AUH: variants seen among roughly 807,000 people sequenced by gnomAD.
AUH encodes methylglutaconyl-CoA hydratase, mitochondrial.
Under a neutral mutation model 42.3 loss-of-function variants are expected in AUH, and 29 were observed. That is an observed-to-expected ratio of 0.69 (90% CI 0.51 to 0.93). The LOEUF is 0.93. Ranked by LOEUF, AUH falls within the 40% of genes least tolerant of loss-of-function variation. The pLI, the probability that AUH is intolerant of heterozygous loss-of-function variation, is 0.00. For synonymous variants in AUH, 174 were observed against 166.4 expected (o/e 1.05, Z -0.35); for missense variants, 452 against 438.1 (o/e 1.03, Z -0.28).
At chr9:91,297,857 C>G (rs1329246212) in intron 5 of AUH, 127 bp downstream of exon 5, 12 of 820,114 alleles carry the variant, frequency 1.5e-5, no homozygotes, top group Non-Finnish European at 2.4e-5. Flanking sequence ...CCATTAGGAC[C>G]AACAAGTGAC....
At chr9:91,322,009 G>C (rs1352304776) in intron 4 of AUH, among the ~76,000 whole-genome samples, 1 of 152,088 alleles carries the variant, frequency 6.6e-6, no homozygotes, top group East Asian at 1.9e-4. Context: ...ATTCTATTAA[G>C]ATACTATTAA....
chr9:91,255,307 T>C (rs375985148), intron 6 of AUH, among the ~76,000 whole-genome samples: 1 of 152,240 alleles, frequency 6.6e-6, no homozygotes, highest in African/African-American at 2.4e-5. Flanking sequence ...ACTGACTGTA[T>C]CTTTTGTTAA....
At chr9:91,284,646 T>C (rs376439763) in intron 6 of AUH, among the ~76,000 whole-genome samples, 1 of 152,114 alleles carries the variant, frequency 6.6e-6, no homozygotes, top group Non-Finnish European at 1.5e-5. Context: ...CATCACAAAG[T>C]AGGCGAAGGA....
chr9:91,336,314 A>G (rs1830683140), intron 3 of AUH, among the ~76,000 whole-genome samples: 1 of 152,186 alleles, frequency 6.6e-6, no homozygotes, highest in South Asian at 2.1e-4. Context: ...ACATCATTTG[A>G]ACGAAATTGT....
Position 91,296,084 on chromosome 9 carries a change from C to A in AUH, c.599-7G>T. The A allele has an allele frequency of 1.9e-6, 3 of 1,613,118 alleles. No individual in the cohort carries two copies. Among genetic ancestry groups the A allele is most frequent in the South Asian group, 1.1e-5 (1 of 91,050 alleles). ...CCCATTTTTGCAGAGGAAGCTAAAA[C>A]GAAAGAAAGAAAATTAAGTATCATC... On this transcript the variant is annotated splice_polypyrimidine_tract_variant and splice_region_variant and intron_variant, in intron 5 of 9. Transcript: ENST00000375731.
chr9:91,227,235 C>T (rs1215687220), intron 6 of AUH, among the ~76,000 whole-genome samples: 94 of 149,246 alleles, frequency 6.3e-4, no homozygotes, highest in Non-Finnish European at 7.9e-4. Context: ...CCTTGAGCAG[C>T]GGTTTGTAGT....
intron 4 of AUH, among the ~76,000 whole-genome samples, chr9:91,314,079 C>T (rs368312108): frequency 1.3e-5 from 2 of 152,094 alleles, no homozygotes; most frequent in South Asian, 4.1e-4. Flanking sequence ...CCGCCTCAGG[C>T]TCCCAAAGTG....
chr9:91,313,379 C>A (rs1051851312), intron 4 of AUH, among the ~76,000 whole-genome samples: 5 of 152,246 alleles, frequency 3.3e-5, no homozygotes, highest in African/African-American at 9.6e-5. Flanking sequence ...CCTCCCAAGA[C>A]AAAAATAAGC....
At chr9:91,218,382 A>G (rs762010598) in intron 7 of AUH, among the ~76,000 whole-genome samples, 7 of 152,208 alleles carry the variant, frequency 4.6e-5, no homozygotes, top group Non-Finnish European at 7.3e-5. Flanking sequence ...TAATCAATCC[A>G]TTTTATTAAA....
At chr9:91,348,142 CAAAT>C (rs1831679005) in intron 3 of AUH, among the ~76,000 whole-genome samples, 2 of 150,866 alleles carry the variant, frequency 1.3e-5, no homozygotes, top group South Asian at 2.1e-4. Flanking sequence ...GGAAAAAATT[CAAAT>C]AAACAAGTCA....
At chr9:91,257,553 T>A (rs939396540) in intron 6 of AUH, among the ~76,000 whole-genome samples, 1 of 152,148 alleles carries the variant, frequency 6.6e-6, no homozygotes, top group Non-Finnish European at 1.5e-5. Flanking sequence ...TGGAGGAGAA[T>A]AACAAACAGA....
intron 6 of AUH, among the ~76,000 whole-genome samples, chr9:91,269,228 C>T (rs1824914821): frequency 6.6e-6 from 1 of 152,214 alleles, no homozygotes; most frequent in African/African-American, 2.4e-5. Context: ...ATCCGCCTGC[C>T]TCAGCCTCCC....
chr9:91,214,476 A>G, intron 9 of AUH, 51 bp from the exon 10 acceptor site: 1 of 1,457,544 alleles, frequency 6.9e-7, no homozygotes, highest in Non-Finnish European at 9.4e-7. Context: ...ACAACTGTAA[A>G]AGTTTATCAA....
intron 3 of AUH, among the ~76,000 whole-genome samples, chr9:91,344,669 T>C (rs570763451): frequency 2.2e-4 from 33 of 152,116 alleles, no homozygotes; most frequent in Non-Finnish European, 3.8e-4. Context: ...TAAGAAATAA[T>C]AACAACTATG....
chr9:91,307,978 G>A (rs1268477877), intron 4 of AUH, among the ~76,000 whole-genome samples: 1 of 152,094 alleles, frequency 6.6e-6, no homozygotes, highest in Non-Finnish European at 1.5e-5. Context: ...AGAAACAGTG[G>A]ATCAAATACA....
At chr9:91,353,693 C>A (rs1461051379) in intron 3 of AUH, among the ~76,000 whole-genome samples, 1 of 151,584 alleles carries the variant, frequency 6.6e-6, no homozygotes, top group Non-Finnish European at 1.5e-5. Context: ...TAAAAATTAG[C>A]CGGGCTTGGT....
At chr9:91,227,348 C>G (rs1827567161) in intron 6 of AUH, among the ~76,000 whole-genome samples, 5 of 119,158 alleles carry the variant, frequency 4.2e-5, no homozygotes, top group East Asian at 2.5e-4. Flanking sequence ...ATTTGGCTCT[C>G]TGTTTGTCTG....
chr9:91,345,789 C>T (rs906084500), intron 3 of AUH, among the ~76,000 whole-genome samples: 2 of 148,020 alleles, frequency 1.4e-5, no homozygotes, highest in East Asian at 2.0e-4. Flanking sequence ...GCCAAGATCA[C>T]GCCACTGCAC....
intron 6 of AUH, among the ~76,000 whole-genome samples, chr9:91,242,146 G>T (rs1327102983): frequency 6.6e-6 from 1 of 152,202 alleles, no homozygotes. Context: ...GCCAGGGCGA[G>T]TGAGTCAAGG....
Sources: allele counts gnomAD v4.1 joint callset (sites outside exome capture counted in the v4.1 genomes callset), GRCh38; gene constraint gnomAD v4.1.1; transcripts MANE v1.5; gene names NCBI Gene and HGNC (gene_info 2026-07-23, HGNC 2026-07-21).